DSE: variants seen among roughly 807,000 people sequenced by gnomAD.
DSE encodes dermatan-sulfate epimerase.
In DSE, 36 loss-of-function variants were observed where a neutral mutation model predicts 84.4. The observed-to-expected ratio is 0.43, with a 90% CI of 0.33 to 0.56. DSE has a LOEUF of 0.56. Among genes scored for constraint, DSE ranks in the 20% least tolerant of loss-of-function variants. The pLI is 0.06. For synonymous variants in DSE, 410 were observed against 430.1 expected (o/e 0.95, Z 0.58); for missense variants, 862 against 1,169.6 (o/e 0.74, Z 3.84).
At chr6:116,395,203 A>G (rs1781164616) in intron 1 of DSE, among the ~76,000 whole-genome samples, 1 of 150,760 alleles carries the variant, frequency 6.6e-6, no homozygotes, top group Non-Finnish European at 1.5e-5. Context: ...AGGCGGGTGG[A>G]TCACGAGGTC....
At chr6:116,267,053 A>G (rs1018875425) in intron 2 of DSE, among the ~76,000 whole-genome samples, 1 of 152,240 alleles carries the variant, frequency 6.6e-6, no homozygotes, top group Non-Finnish European at 1.5e-5. Context: ...TAATGCTGGT[A>G]TAAACAAACC....
intron 2 of DSE, among the ~76,000 whole-genome samples, chr6:116,290,970 A>G (rs548271859): frequency 3.3e-5 from 5 of 152,168 alleles, no homozygotes; most frequent in Non-Finnish European, 7.4e-5. Flanking sequence ...GTGCTCTGCA[A>G]TGTCATCTGT....
intron 1 of DSE, among the ~76,000 whole-genome samples, chr6:116,396,896 G>A (rs767047569): frequency 2.6e-5 from 4 of 152,098 alleles, no homozygotes; most frequent in Non-Finnish European, 5.9e-5. Context: ...CCCACGTTTG[G>A]GGAAGTTTGT....
At chr6:116,280,125 C>A (rs772488803) in intron 2 of DSE, 2 of 472,866 alleles carry the variant, frequency 4.2e-6, no homozygotes, top group South Asian at 2.0e-5. Flanking sequence ...GAAGCGCGGA[C>A]GACCCACCTT....
intron 2 of DSE, among the ~76,000 whole-genome samples, chr6:116,325,556 C>G (rs1330144561): frequency 1.3e-5 from 2 of 152,130 alleles, no homozygotes; most frequent in Non-Finnish European, 2.9e-5. Flanking sequence ...TGTGTTGCAA[C>G]TGGAGTAGTA....
intron 2 of DSE, chr6:116,279,257 C>T: frequency 6.2e-7 from 1 of 1,607,602 alleles, no homozygotes; most frequent in Non-Finnish European, 8.5e-7. Flanking sequence ...TGCTCCTCTA[C>T]CTCCATCTGC....
intron 2 of DSE, among the ~76,000 whole-genome samples, chr6:116,323,432 TA>T (rs1263630399): frequency 6.6e-6 from 1 of 152,146 alleles, no homozygotes; most frequent in Non-Finnish European, 1.5e-5. Context: ...GCCAGAAAAA[TA>T]AAAAACTTTT....
chr6:116,324,880 A>G (rs1776532373), intron 2 of DSE, among the ~76,000 whole-genome samples: 5 of 152,088 alleles, frequency 3.3e-5, no homozygotes, highest in Admixed American at 3.3e-4. Flanking sequence ...GCACTCTCCT[A>G]TGTCTGTGCT....
chr6:116,427,489 G>A (rs1187095531), intron 3 of DSE, among the ~76,000 whole-genome samples: 1 of 152,148 alleles, frequency 6.6e-6, no homozygotes, highest in African/African-American at 2.4e-5. Flanking sequence ...TTGGAGATTG[G>A]AAATCTAACA....
chr6:116,411,587 A>G (rs1261173588), intron 2 of DSE, among the ~76,000 whole-genome samples: 1 of 152,256 alleles, frequency 6.6e-6, no homozygotes, highest in East Asian at 1.9e-4. Flanking sequence ...ATTCATTTAC[A>G]GTGAGTTCAG....
rs111261355 is a variant in DSE at position 116,380,519 on chromosome 6, A to G, written c.-54+9398A>G. Among the ~76,000 whole-genome samples, 651 of 152,282 alleles carry G rather than the reference A, an allele frequency of 4.3e-3. 2 individuals carry two copies. Among genetic ancestry groups the G allele is most frequent in the Middle Eastern group, 0.014 (4 of 294 alleles). ...AGAAAGCACTACAAGCAGATCAGCCAGCAGAGCAAAGGCACAAGAAGAGGA... is the reference window on the plus strand; with the variant it reads ...AGAAAGCACTACAAGCAGATCAGCCGGCAGAGCAAAGGCACAAGAAGAGGA... On this transcript the variant is annotated intron_variant, in intron 1 of 5. Transcript: ENST00000644252.
chr6:116,263,834 A>G (rs1772510365), intron 2 of DSE, among the ~76,000 whole-genome samples: 1 of 152,150 alleles, frequency 6.6e-6, no homozygotes, highest in Admixed American at 6.5e-5. Context: ...TCTGAAAAGG[A>G]TCTTATTTAT....
intron 4 of DSE, 48 bp from the exon 5 acceptor site, chr6:116,433,295 G>T (rs1172470761): frequency 6.6e-7 from 1 of 1,523,490 alleles, no homozygotes. Flanking sequence ...CTATATAGGA[G>T]TGTGAAGTTT....
At chr6:116,426,440 T>G in intron 2 of DSE, 134 bp from the exon 3 acceptor site, 1 of 1,144,020 alleles carries the variant, frequency 8.7e-7, no homozygotes, top group South Asian at 1.9e-5. Context: ...TGGAGGGAAG[T>G]CAGTTGTGTG....
At chr6:116,334,684 T>C (rs1777139164) in intron 2 of DSE, among the ~76,000 whole-genome samples, 1 of 152,164 alleles carries the variant, frequency 6.6e-6, no homozygotes, top group South Asian at 2.1e-4. Context: ...TTACTCCATC[T>C]TGAGGAACTT....
chr6:116,416,775 T>A lies in DSE; in HGVS notation c.417-9799T>A, dbSNP rs989089631. ...ACTGACAATTGCTAACTGGCAGTTG[T>A]CTGTATGGCTTCTCACATGATCACT... On this transcript the variant is annotated intron_variant, in intron 2 of 5. Transcript: ENST00000644252. Among the ~76,000 whole-genome samples, 3 of 152,218 alleles carry A rather than the reference T, an allele frequency of 2.0e-5. No homozygotes were observed. In the East Asian group the frequency reaches 5.8e-4, roughly 29 times the overall value.
intron 2 of DSE, among the ~76,000 whole-genome samples, chr6:116,406,776 A>T (rs901372847): frequency 6.6e-6 from 1 of 152,180 alleles, no homozygotes; most frequent in African/African-American, 2.4e-5. Flanking sequence ...TCTCTCATCC[A>T]TCTTTCCTTT....
rs1235140782 is a variant in DSE at position 116,444,673 on chromosome 6, G to A, written c.*7328G>A. 1.3e-5 allele frequency: 2 copies of A among 152,166 alleles called. No homozygotes were observed. The highest frequency in any genetic ancestry group is 4.8e-5 in the African/African-American group (2 of 41,436). The allele number at this position is 152,166 out of a possible 1,614,324, so 9.4% of individuals were successfully genotyped here. On this transcript the variant is annotated 3_prime_UTR_variant, in exon 6 of 6. Transcript: ENST00000644252. ...GAAGGTGGAGCCCTCGTGAATGGGA[G>A]TAGTATCCTTATAAAAGATACCCCA... is the stretch of plus-strand genomic sequence containing the variant.
chr6:116,279,179 C>A (rs1408604811), intron 2 of DSE: 2 of 1,612,586 alleles, frequency 1.2e-6, no homozygotes, highest in East Asian at 2.2e-5. Flanking sequence ...CAGGGCCCTT[C>A]TTCCTCCCTC....
Sources: gnomAD v4.1 joint callset for allele counts (sites outside exome capture counted in the v4.1 genomes callset) on GRCh38, gnomAD v4.1.1 for gene constraint, MANE v1.5 for transcripts, NCBI Gene and HGNC (gene_info 2026-07-23, HGNC 2026-07-21) for gene names.